SEC14L4: variants seen among roughly 807,000 people sequenced by gnomAD.
SEC14L4 encodes SEC14-like protein 4.
SEC14L4 carries 42 observed loss-of-function variants against 55.1 expected under a neutral mutation model. The observed-to-expected ratio is 0.76, with a 90% CI of 0.60 to 0.99. The LOEUF is 0.99. Ranked by LOEUF, SEC14L4 falls within the 50% of genes least tolerant of loss-of-function variation. The pLI is 0.00. For missense variants in SEC14L4, 445 were observed against 512.1 expected (o/e 0.87, Z 1.27); for synonymous variants, 206 against 206.8 (o/e 1.00, Z 0.03).
rs752082022 is a variant in SEC14L4, at chr22:30,494,774, C to T, written c.519+92G>A. 600 of 839,312 alleles carry T rather than the reference C, an allele frequency of 7.1e-4. 3 individuals carry two copies. Among genetic ancestry groups the T allele is most frequent in the Non-Finnish European group, 1.0e-3 (518 of 499,626 alleles). 52.0% of individuals were successfully genotyped at this position (839,312 alleles called of 1,614,324 possible). The stretch of plus-strand genomic sequence containing the variant: ...GCCCCTGCAAGGCATCCCCACCCCT[C>T]TATCTCACTGGATTCTCACATCAAT... On this transcript the variant is annotated intron_variant, in intron 6 of 11. Coordinates refer to ENST00000255858, the MANE Select transcript of SEC14L4 (RefSeq NM_174977.4).
Position 30,491,608 on chromosome 22 carries a change from T to C in SEC14L4, c.1046A>G (p.Glu349Gly). ...CTGGAGGCAGGTGAGGCTCCCATCC[T>C]CAGGCACCATGTGGGCATTGTAGCG... The part of the protein sequence containing the change: ...SQRYNAHMVP[E>G]DGSLTCLQAG... The change falls in exon 11 of 12, where the codon GAG becomes GGG. Residue 349 changes from glutamate (E) to glycine (G), a missense_variant. Physicochemically the swap from Glu to Gly is moderately conservative, Grantham distance 98. Coordinates refer to ENST00000255858, the MANE Select transcript of SEC14L4 (RefSeq NM_174977.4). 6.2e-7 allele frequency: 1 copy of C among 1,614,148 alleles called. No individual in the cohort carries two copies. Among genetic ancestry groups the C allele is most frequent in the Non-Finnish European group, 8.5e-7 (1 of 1,180,006 alleles).
chr22:30,492,521 T>C lies in SEC14L4; in HGVS notation c.617A>G (p.Lys206Arg). The C allele has an allele frequency of 6.2e-7, 1 of 1,614,006 alleles. No homozygotes were observed. The highest frequency in any genetic ancestry group is 8.5e-7 in the Non-Finnish European group (1 of 1,179,916). The stretch of plus-strand genomic sequence containing the variant: ...GCGTGTCTCCTCACTCATGAACGAC[T>C]TGACCAAGTTGAAGGCCACGGGGAA... ...KLFPVAFNLV[K>R]SFMSEETRRK... is the part of the protein sequence containing the mutation. The change falls in exon 8 of 12, where the codon AAG becomes AGG. Residue 206 changes from lysine to arginine, a missense_variant. Lys to Arg is a conservative substitution (Grantham distance 26). Coordinates refer to ENST00000255858, the MANE Select transcript of SEC14L4 (RefSeq NM_174977.4).
rs781657922 is a variant in SEC14L4, at chr22:30,492,457, G to A, written c.664+17C>T. Reference sequence around the variant, plus strand: ...TTCCCAGGCAGATGGACACAACCAGGGGGCCACGTCGCTCACCTCCCAGAA... The same window carrying A: ...TTCCCAGGCAGATGGACACAACCAGAGGGCCACGTCGCTCACCTCCCAGAA... On this transcript the variant is annotated intron_variant, in intron 8 of 11. Transcript: ENST00000255858. The A allele has an allele frequency of 3.1e-6, 5 of 1,605,844 alleles. No individual in the cohort carries two copies. Among genetic ancestry groups the A allele is most frequent in the Non-Finnish European group, 4.3e-6 (5 of 1,172,602 alleles).
chr22:30,500,936 C>T (rs2146197532), intron 2 of SEC14L4, among the ~76,000 whole-genome samples: 1 of 151,476 alleles, frequency 6.6e-6, no homozygotes. Flanking sequence ...TGGCTCATAC[C>T]TGTAATCCCC....
At chr22:30,492,310 C>A in intron 8 of SEC14L4, 155 bp from the exon 9 acceptor site, 1 of 1,180,326 alleles carries the variant, frequency 8.5e-7, no homozygotes, top group Non-Finnish European at 1.2e-6. Flanking sequence ...TGGCTCCCAG[C>A]CCACGGTCTA....
In SEC14L4 at chr22:30,500,563, C is replaced by T. The variant is rs117603535; in HGVS notation, c.130+3114G>A. Among the ~76,000 whole-genome samples, 110 of 151,532 alleles carry T rather than the reference C, an allele frequency of 7.3e-4. No homozygotes were observed. The East Asian group carries it at 0.016, about 23-fold the overall frequency. On this transcript the variant is annotated intron_variant, in intron 2 of 11. Coordinates refer to ENST00000255858, the MANE Select transcript of SEC14L4 (RefSeq NM_174977.4). ...TGAATTTTTTGTAGAGATATGGTTT[C>T]GTCATGTTGCCCAGGCTGGTCTTGA...
chr22:30,493,600 G>A (rs1936038840), intron 7 of SEC14L4, among the ~76,000 whole-genome samples: 1 of 152,086 alleles, frequency 6.6e-6, no homozygotes, highest in Admixed American at 6.6e-5. Flanking sequence ...ACTGACATAA[G>A]TAAGTAACAG....
intron 2 of SEC14L4, among the ~76,000 whole-genome samples, chr22:30,498,954 T>A (rs1936234813): frequency 6.6e-6 from 1 of 151,762 alleles, no homozygotes; most frequent in African/African-American, 2.4e-5. Flanking sequence ...ATTATTATTA[T>A]TTTTTTGATG....
chr22:30,494,274 T>A, intron 6 of SEC14L4, 64 bp from the exon 7 acceptor site: 5 of 1,273,266 alleles, frequency 3.9e-6, no homozygotes, highest in Non-Finnish European at 3.4e-6. Flanking sequence ...TGGGTTTCTG[T>A]GGCCTCTGAT....
At chr22:30,504,409 C>A (rs1170483206) in intron 1 of SEC14L4, among the ~76,000 whole-genome samples, 3 of 152,086 alleles carry the variant, frequency 2.0e-5, no homozygotes, top group Non-Finnish European at 2.9e-5. Context: ...GCCAGCTAGG[C>A]GGTTTTAGGA....
intron 2 of SEC14L4, among the ~76,000 whole-genome samples, chr22:30,497,938 G>A (rs1307488461): frequency 6.6e-6 from 1 of 152,038 alleles, no homozygotes; most frequent in Non-Finnish European, 1.5e-5. Flanking sequence ...TGAGGACCTG[G>A]AGTTTTAATT....
At chr22:30,497,109 C>T (rs1173285894) in intron 2 of SEC14L4, among the ~76,000 whole-genome samples, 2 of 152,204 alleles carry the variant, frequency 1.3e-5, no homozygotes, top group East Asian at 1.9e-4. Flanking sequence ...GAGACCAAGG[C>T]GGGCAGATCA....
intron 2 of SEC14L4, 125 bp downstream of exon 2, chr22:30,503,552 C>T (rs1015777938): frequency 2.0e-5 from 11 of 549,682 alleles, no homozygotes; most frequent in Non-Finnish European, 3.1e-5. Context: ...TGTGAGCCAC[C>T]GGGCCCGGCA....
At chr22:30,498,124 CTTTT>C (rs869157636) in intron 2 of SEC14L4, among the ~76,000 whole-genome samples, 3 of 98,364 alleles carry the variant, frequency 3.0e-5, no homozygotes, top group East Asian at 5.8e-4. Flanking sequence ...TTTTCATTAT[CTTTT>C]TTTTTTTTTT....
chr22:30,492,198 C>A (rs1036567713), intron 8 of SEC14L4, 43 bp from the exon 9 acceptor site: 1 of 1,577,762 alleles, frequency 6.3e-7, no homozygotes, highest in Non-Finnish European at 8.6e-7. Context: ...ACTCAGGAGA[C>A]TCAACAGAGG....
chr22:30,489,988 G>T lies in SEC14L4; in HGVS notation c.*119C>A, dbSNP rs1601839171. On this transcript the variant is annotated 3_prime_UTR_variant, in exon 12 of 12. Transcript: ENST00000255858. ...GGTGAGCCTACAATGAGATGAAATG[G>T]TGACGTGGGACAAGTGGCTCTCTGC... The T allele has an allele frequency of 3.2e-6, 5 of 1,557,284 alleles. No homozygotes were observed. The African/African-American group carries it at 6.8e-5, about 21-fold the overall frequency.
Position 30,505,541 on chromosome 22 carries a change from C to A in SEC14L4, c.54+17G>T. 1 of 1,558,910 alleles carries A rather than the reference C, an allele frequency of 6.4e-7. No individual in the cohort carries two copies. Among genetic ancestry groups the A allele is most frequent in the Non-Finnish European group, 8.7e-7 (1 of 1,153,300 alleles). ...CAGGGCCCCTCCTCAAGCCTCCCAG[C>A]CCGCGATGCTCCTCACCCTGGCCAG... is the stretch of plus-strand genomic sequence containing the variant. On this transcript the variant is annotated intron_variant, in intron 1 of 11. Transcript: ENST00000255858.
At chr22:30,494,076 C>T in intron 7 of SEC14L4, 74 bp downstream of exon 7, 1 of 1,150,968 alleles carries the variant, frequency 8.7e-7, no homozygotes, top group Non-Finnish European at 1.3e-6. Context: ...AAGCCTTTAA[C>T]TCCATGGCTT....
At position 30,503,704 on chromosome 22, in the gene SEC14L4, C is replaced by T; in HGVS notation, c.103G>A (p.Asp35Asn). The T allele has an allele frequency of 4.3e-6, 7 of 1,612,746 alleles. No homozygotes were observed. Among genetic ancestry groups the T allele is most frequent in the Non-Finnish European group, 5.9e-6 (7 of 1,179,142 alleles). ...CGCAGCCAGCGCAGGAGGAAGTAGT[C>T]ATCAGCATTGGGCAGTATGGGCAGC... ...DLLPILPNAD[D>N]YFLLRWLRAR... Residue 35 changes from aspartate to asparagine, a missense_variant, in exon 2 of 12, where the codon GAC becomes AAC. By Grantham distance (23) the Asp-to-Asn change is conservative (BLOSUM62 1). Coordinates refer to ENST00000255858, the MANE Select transcript of SEC14L4 (RefSeq NM_174977.4).
Sources: gnomAD v4.1 joint callset for allele counts (sites outside exome capture counted in the v4.1 genomes callset) on GRCh38, gnomAD v4.1.1 for gene constraint, MANE v1.5 for transcripts, NCBI Gene and HGNC (gene_info 2026-07-23, HGNC 2026-07-21) for gene names.